The following ATP2B2 variants were observed in gnomAD, a reference collection of about 807,000 sequenced individuals.
The protein encoded by ATP2B2 is ATPase plasma membrane Ca2+ transporting 2.
ATP2B2 carries 15 observed loss-of-function variants against 120.0 expected under a neutral mutation model. The observed-to-expected ratio is 0.12, with a 90% confidence interval of 0.08 to 0.19. ATP2B2 has a LOEUF of 0.19. Ranked by LOEUF, ATP2B2 falls within the 10% of genes least tolerant of loss-of-function variation. The probability of loss-of-function intolerance (pLI) is 1.00; values close to 1 mark genes in which losing one functional copy is unlikely to be tolerated. For missense variants in ATP2B2, 1,045 were observed against 1,719.8 expected (o/e 0.61, Z 6.94); for synonymous variants, 694 against 700.3 (o/e 0.99, Z 0.14).
At chr3:10,551,017 T>C (rs1391120652) in intron 2 of ATP2B2, among the ~76,000 whole-genome samples, 1 of 152,198 alleles carries the variant, frequency 6.6e-6, no homozygotes, top group Non-Finnish European at 1.5e-5. Context: ...CAGACAGCAC[T>C]GAGGCAGGTG....
chr3:10,388,528 T>C (rs1485873616), intron 5 of ATP2B2, 126 bp from the exon 6 acceptor site: 12 of 1,380,584 alleles, frequency 8.7e-6, no homozygotes, highest in South Asian at 1.2e-5. Flanking sequence ...GCATCACCTA[T>C]GGTTAAGATT....
intron 1 of ATP2B2, among the ~76,000 whole-genome samples, chr3:10,664,048 C>T (rs1486706906): frequency 6.6e-6 from 1 of 152,190 alleles, no homozygotes; most frequent in South Asian, 2.1e-4. Flanking sequence ...TCATGTCCAC[C>T]CCAGAATCTC....
intron 2 of ATP2B2, among the ~76,000 whole-genome samples, chr3:10,569,740 C>T (rs778868770): frequency 1.3e-5 from 2 of 152,018 alleles, no homozygotes; most frequent in Non-Finnish European, 2.9e-5. Flanking sequence ...GGAGGTGAGG[C>T]AAGTCCCGAA....
chr3:10,333,359 A>C (rs1451251709), intron 22 of ATP2B2, among the ~76,000 whole-genome samples: 5 of 152,004 alleles, frequency 3.3e-5, no homozygotes, highest in Non-Finnish European at 7.4e-5. Flanking sequence ...GGGGCGGCCC[A>C]CTTCCTCATC....
intron 1 of ATP2B2, among the ~76,000 whole-genome samples, chr3:10,473,359 TGGC>T (rs1462130491): frequency 6.6e-6 from 1 of 152,196 alleles, no homozygotes; most frequent in Non-Finnish European, 1.5e-5. Context: ...AGGCCAGGTG[TGGC>T]GGCTCATGCC....
At chr3:10,545,474 A>G (rs2067524716) in intron 2 of ATP2B2, among the ~76,000 whole-genome samples, 1 of 152,018 alleles carries the variant, frequency 6.6e-6, no homozygotes, top group South Asian at 2.1e-4. Flanking sequence ...AGTTACAGTG[A>G]GCCAAGATCG....
At position 10,707,992 on chromosome 3, in the gene ATP2B2, C is replaced by A. The variant is rs868048442; in HGVS notation, c.-537G>T. ...CCGCTGGTGCGCGCCCGGCCCGGCCCGGCCCCGCTGCGGCTGCGGCTCCTC... is the reference window on the plus strand; with the variant it reads ...CCGCTGGTGCGCGCCCGGCCCGGCCAGGCCCCGCTGCGGCTGCGGCTCCTC... On this transcript the variant is annotated 5_prime_UTR_variant, in exon 1 of 22. Coordinates refer to the ATP2B2 transcript ENST00000646379. 16 of 147,512 alleles carry A rather than the reference C, an allele frequency of 1.1e-4. No individual in the cohort carries two copies. In the South Asian group the frequency reaches 2.7e-3, roughly 25 times the overall value. 9.1% of individuals were successfully genotyped at this position (147,512 alleles called of 1,614,324 possible).
chr3:10,587,187 C>T (rs1189259037), intron 2 of ATP2B2, among the ~76,000 whole-genome samples: 1 of 152,028 alleles, frequency 6.6e-6, no homozygotes, highest in Non-Finnish European at 1.5e-5. Flanking sequence ...TATCTGTAGT[C>T]CCAGCTACTA....
At chr3:10,686,076 C>T (rs1358287333) in intron 1 of ATP2B2, among the ~76,000 whole-genome samples, 3 of 125,166 alleles carry the variant, frequency 2.4e-5, no homozygotes, top group Non-Finnish European at 4.8e-5. Context: ...TGAGACGGTC[C>T]TCCTTTCTTG....
intron 5 of ATP2B2, among the ~76,000 whole-genome samples, chr3:10,395,473 G>A (rs914234615): frequency 1.3e-5 from 2 of 152,246 alleles, no homozygotes; most frequent in African/African-American, 2.4e-5. Flanking sequence ...CACCTGCAGT[G>A]TCTAGCGGGA....
intron 1 of ATP2B2, among the ~76,000 whole-genome samples, chr3:10,503,423 G>C (rs1374284689): frequency 8.5e-5 from 13 of 152,228 alleles, no homozygotes; most frequent in Non-Finnish European, 1.0e-4. Flanking sequence ...TGGCCTTGCT[G>C]AGTCTAATCA....
chr3:10,415,286 G>A (rs1299696763), intron 2 of ATP2B2, among the ~76,000 whole-genome samples: 2 of 152,220 alleles, frequency 1.3e-5, no homozygotes, highest in Non-Finnish European at 2.9e-5. Context: ...TAGATGTACT[G>A]TGTCATTATT....
chr3:10,457,569 TGAGA>T (rs55745980), intron 1 of ATP2B2, among the ~76,000 whole-genome samples: 4 of 150,532 alleles, frequency 2.7e-5, no homozygotes, highest in Non-Finnish European at 4.4e-5. Flanking sequence ...TGTGTGTGTG[TGAGA>T]GAGAGAGAGA....
chr3:10,353,407 A>G (rs1048073725), intron 14 of ATP2B2, among the ~76,000 whole-genome samples: 13 of 152,236 alleles, frequency 8.5e-5, no homozygotes, highest in Non-Finnish European at 1.3e-4. Context: ...CTGAGGCTAC[A>G]CAGATGAACA....
chr3:10,446,754 C>A (rs567861227), intron 2 of ATP2B2, among the ~76,000 whole-genome samples: 1 of 152,304 alleles, frequency 6.6e-6, no homozygotes, highest in South Asian at 2.1e-4. Context: ...TCTTGGCCAT[C>A]AGAGATCTCA....
intron 1 of ATP2B2, among the ~76,000 whole-genome samples, chr3:10,500,193 G>A (rs1190925588): frequency 2.6e-5 from 4 of 151,364 alleles, no homozygotes; most frequent in African/African-American, 9.7e-5. Context: ...CTGTCTTGGC[G>A]TCCCAAAGTG....
chr3:10,392,198 G>A (rs1319032416), intron 5 of ATP2B2, among the ~76,000 whole-genome samples: 17 of 152,170 alleles, frequency 1.1e-4, no homozygotes, highest in Admixed American at 1.1e-3. Flanking sequence ...GTTTGGAGCT[G>A]CAACTCCAGC....
intron 1 of ATP2B2, among the ~76,000 whole-genome samples, chr3:10,483,960 T>C (rs533408821): frequency 3.3e-5 from 5 of 152,066 alleles, no homozygotes; most frequent in Non-Finnish European, 5.9e-5. Flanking sequence ...GAGGGATTCA[T>C]GGAAGAACAA....
chr3:10,476,152 A>G (rs13064158), intron 1 of ATP2B2, among the ~76,000 whole-genome samples: 32,062 of 152,100 alleles, frequency 0.21, 3,761 homozygotes, highest in East Asian at 0.47. Flanking sequence ...CCAAAAGATA[A>G]CCAGCTGGTG....
Sources: allele counts gnomAD v4.1 joint callset (sites outside exome capture counted in the v4.1 genomes callset), GRCh38; gene constraint gnomAD v4.1.1; transcripts MANE v1.5; gene names NCBI Gene and HGNC (gene_info 2026-07-23, HGNC 2026-07-21).